The following TRABD2B variants were observed in gnomAD, a reference collection of about 807,000 sequenced individuals.
The protein encoded by TRABD2B is metalloprotease TIKI2.
In TRABD2B, 14 loss-of-function variants were observed where a neutral mutation model predicts 40.1. That is an observed-to-expected ratio of 0.35 (90% CI 0.23 to 0.55). The LOEUF (loss-of-function observed/expected upper bound fraction) is 0.55, where lower values mean the gene tolerates loss of function less well. Among genes scored for constraint, TRABD2B ranks in the 20% least tolerant of loss-of-function variants. TRABD2B has a pLI of 0.90. For missense variants in TRABD2B, 541 were observed against 648.6 expected, an observed-to-expected ratio of 0.83 and a Z score of 1.80; for synonymous variants, 263 against 277.0, an observed-to-expected ratio of 0.95 and a Z score of 0.50.
chr1:47,988,912 T>C (rs1645960087), intron 2 of TRABD2B, among the ~76,000 whole-genome samples: 2 of 152,236 alleles, frequency 1.3e-5, no homozygotes, highest in Admixed American at 6.5e-5. Context: ...CAAATGTATG[T>C]GTCCCTCCAA....
chr1:47,769,894 C>T (rs866689768), intron 6 of TRABD2B, among the ~76,000 whole-genome samples: 25 of 152,308 alleles, frequency 1.6e-4, no homozygotes, highest in Middle Eastern at 3.4e-3. Flanking sequence ...GGAACAGACC[C>T]GTGGACTTTA....
chr1:47,823,067 A>C (rs1395250120), intron 2 of TRABD2B, among the ~76,000 whole-genome samples: 1 of 152,244 alleles, frequency 6.6e-6, no homozygotes, highest in Non-Finnish European at 1.5e-5. Context: ...CAGGGCACTG[A>C]AGTGAGAGAT....
At chr1:47,817,573 G>A (rs1234418293) in intron 2 of TRABD2B, among the ~76,000 whole-genome samples, 1 of 152,126 alleles carries the variant, frequency 6.6e-6, no homozygotes, top group East Asian at 1.9e-4. Context: ...CCCTCTCGGG[G>A]CACGGATGTC....
At position 47,859,869 on chromosome 1, in the gene TRABD2B, T is replaced by C. The variant is rs1643941728; in HGVS notation, c.667-58250A>G. Among the ~76,000 whole-genome samples, 7 of 152,212 alleles carry C rather than the reference T, an allele frequency of 4.6e-5. No homozygotes were observed. In the South Asian group the frequency reaches 1.4e-3, roughly 32 times the overall value. The stretch of plus-strand genomic sequence containing the variant: ...TCCTCACATCGACAACTCTTCACGG[T>C]TAACCAAACCCTCAGATTCATGAGC... On this transcript the variant is annotated intron_variant, in intron 2 of 6. Coordinates refer to ENST00000606738, the MANE Select transcript of TRABD2B (RefSeq NM_001194986.2).
At chr1:47,922,257 A>G (rs1644912848) in intron 2 of TRABD2B, among the ~76,000 whole-genome samples, 1 of 152,186 alleles carries the variant, frequency 6.6e-6, no homozygotes. Context: ...GTTACTTGCT[A>G]TCTCTACCAA....
At chr1:47,807,164 TG>T (rs887663412) in intron 2 of TRABD2B, among the ~76,000 whole-genome samples, 11 of 152,312 alleles carry the variant, frequency 7.2e-5, no homozygotes, top group African/African-American at 2.6e-4. Flanking sequence ...TTCATTAAAC[TG>T]GAAGTGAAGA....
At chr1:47,884,379 C>A (rs1054633465) in intron 2 of TRABD2B, among the ~76,000 whole-genome samples, 13 of 152,174 alleles carry the variant, frequency 8.5e-5, no homozygotes, top group African/African-American at 3.1e-4. Context: ...TCACACAACA[C>A]GGTAGAAAAT....
At chr1:47,829,352 C>G (rs933067895) in intron 2 of TRABD2B, among the ~76,000 whole-genome samples, 1 of 152,030 alleles carries the variant, frequency 6.6e-6, no homozygotes, top group Non-Finnish European at 1.5e-5. Flanking sequence ...AGGCTGTGAG[C>G]GGAGCCCAAG....
intron 2 of TRABD2B, among the ~76,000 whole-genome samples, chr1:47,991,022 C>T (rs189583697): frequency 2.2e-4 from 33 of 151,320 alleles, no homozygotes; most frequent in African/African-American, 8.0e-4. Context: ...ATTTTAAGCC[C>T]TCAAGTCCTA....
chr1:47,852,056 T>C (rs1645556359), intron 2 of TRABD2B, among the ~76,000 whole-genome samples: 1 of 152,214 alleles, frequency 6.6e-6, no homozygotes. Flanking sequence ...AGAGTCATTC[T>C]AGAGCTCTGT....
chr1:47,793,653 A>G (rs1420861063), intron 4 of TRABD2B, among the ~76,000 whole-genome samples: 1 of 152,234 alleles, frequency 6.6e-6, no homozygotes, highest in Non-Finnish European at 1.5e-5. Context: ...CCCAAATTGC[A>G]GGTAACATGA....
At chr1:47,884,768 A>G (rs1001903605) in intron 2 of TRABD2B, among the ~76,000 whole-genome samples, 12 of 151,942 alleles carry the variant, frequency 7.9e-5, no homozygotes, top group African/African-American at 2.7e-4. Flanking sequence ...GGTGCGCGCC[A>G]CTATGCCCGG....
At chr1:47,780,125 C>T (rs1014523599) in intron 4 of TRABD2B, among the ~76,000 whole-genome samples, 1 of 152,184 alleles carries the variant, frequency 6.6e-6, no homozygotes, top group Non-Finnish European at 1.5e-5. Flanking sequence ...GCTGACCATG[C>T]CTGACTATGT....
At chr1:47,871,170 T>A (rs1644135235) in intron 2 of TRABD2B, among the ~76,000 whole-genome samples, 1 of 152,118 alleles carries the variant, frequency 6.6e-6, no homozygotes, top group Admixed American at 6.5e-5. Context: ...TGAGGCACAG[T>A]CACTTGCCCA....
At chr1:47,812,030 C>T (rs1226876875) in intron 2 of TRABD2B, among the ~76,000 whole-genome samples, 2 of 152,230 alleles carry the variant, frequency 1.3e-5, no homozygotes, top group African/African-American at 4.8e-5. Flanking sequence ...TAAGTGGCAT[C>T]CCTTGTTCCC....
At chr1:47,850,469 T>A (rs1645532702) in intron 2 of TRABD2B, among the ~76,000 whole-genome samples, 1 of 152,252 alleles carries the variant, frequency 6.6e-6, no homozygotes, top group African/African-American at 2.4e-5. Flanking sequence ...TCTAAGAATC[T>A]AGATTCATGC....
At chr1:47,889,373 G>A (rs560969432) in intron 2 of TRABD2B, among the ~76,000 whole-genome samples, 1 of 152,192 alleles carries the variant, frequency 6.6e-6, no homozygotes, top group Non-Finnish European at 1.5e-5. Flanking sequence ...CACCTCTCAG[G>A]GTTTGGGGGG....
intron 2 of TRABD2B, among the ~76,000 whole-genome samples, chr1:47,941,176 G>A (rs555925628): frequency 6.6e-6 from 1 of 152,176 alleles, no homozygotes; most frequent in Non-Finnish European, 1.5e-5. Flanking sequence ...GAGGAGAGGG[G>A]ACCTATTCAA....
chr1:47,881,426 T>C lies in TRABD2B; in HGVS notation c.667-79807A>G, dbSNP rs1644302584. Among the ~76,000 whole-genome samples, 4 of 152,348 alleles carry C rather than the reference T, an allele frequency of 2.6e-5. No individual in the cohort carries two copies. In the South Asian group the frequency reaches 8.3e-4, roughly 32 times the overall value. On this transcript the variant is annotated intron_variant, in intron 2 of 6. Coordinates refer to ENST00000606738, the MANE Select transcript of TRABD2B (RefSeq NM_001194986.2). ...GTTAATGTTTGTGGAGTGCTTAGTATACACCAGGAACTCTGCTAAGAACTT... is the reference window on the plus strand; with the variant it reads ...GTTAATGTTTGTGGAGTGCTTAGTACACACCAGGAACTCTGCTAAGAACTT...
Sources: allele counts gnomAD v4.1 joint callset (sites outside exome capture counted in the v4.1 genomes callset), GRCh38; gene constraint gnomAD v4.1.1; transcripts MANE v1.5; gene names NCBI Gene and HGNC (gene_info 2026-07-23, HGNC 2026-07-21).